The following PIGK variants were observed in gnomAD, a reference collection of about 807,000 sequenced individuals.
PIGK encodes the protein GPI-anchor transamidase.
Under a neutral mutation model 50.6 loss-of-function variants are expected in PIGK, and 42 were observed. The ratio of observed to expected loss-of-function variants is 0.83; its 90% confidence interval spans 0.65 to 1.07. PIGK has a LOEUF of 1.07. PIGK is among the 50% of genes least tolerant of loss of function. The probability of loss-of-function intolerance (pLI) is 0.00; values close to 1 mark genes in which losing one functional copy is unlikely to be tolerated. For missense variants in PIGK, 448 were observed against 488.7 expected, an observed-to-expected ratio of 0.92 and a Z score of 0.78; for synonymous variants, 151 against 156.0, an observed-to-expected ratio of 0.97 and a Z score of 0.24.
rs371361498 is a variant in PIGK at position 77,142,381 on chromosome 1, A to T, written c.986+12068T>A. ...CACACTTTTAAAAAGGCATTGACAA[A>T]GTATGTTCATTTTATATACACTACC... On this transcript the variant is annotated intron_variant, in intron 9 of 10. Coordinates refer to ENST00000370812, the MANE Select transcript of PIGK (RefSeq NM_005482.3). Among the ~76,000 whole-genome samples, 13 of 152,322 alleles carry T rather than the reference A, an allele frequency of 8.5e-5. No homozygotes were observed. In the South Asian group the frequency reaches 2.5e-3, roughly 29 times the overall value.
intron 10 of PIGK, among the ~76,000 whole-genome samples, chr1:77,116,428 G>A (rs1003321716): frequency 4.6e-5 from 7 of 151,610 alleles, no homozygotes; most frequent in Non-Finnish European, 1.0e-4. Flanking sequence ...CTCGTGATTC[G>A]CCCACCTCAG....
chr1:77,101,361 C>T (rs1570179582), intron 10 of PIGK, among the ~76,000 whole-genome samples: 1 of 140,442 alleles, frequency 7.1e-6, no homozygotes, highest in Non-Finnish European at 1.5e-5. Flanking sequence ...TTCTCATACC[C>T]CAGTAAGAAT....
chr1:77,201,921 G>A (rs376985716), intron 3 of PIGK, among the ~76,000 whole-genome samples: 16 of 151,982 alleles, frequency 1.1e-4, no homozygotes, highest in African/African-American at 3.9e-4. Flanking sequence ...AGCCAGGCAT[G>A]GTGGTGCGCA....
At chr1:77,199,636 A>T (rs1656116384) in intron 3 of PIGK, among the ~76,000 whole-genome samples, 1 of 151,970 alleles carries the variant, frequency 6.6e-6, no homozygotes, top group South Asian at 2.1e-4. Context: ...ATGAATTGTA[A>T]TGGCATAAAA....
chr1:77,195,231 AG>A, intron 3 of PIGK: 1 of 1,235,634 alleles, frequency 8.1e-7, no homozygotes, highest in Non-Finnish European at 1.2e-6. Context: ...TCTTACTGGC[AG>A]GGCGACCTGC....
intron 3 of PIGK, among the ~76,000 whole-genome samples, chr1:77,193,613 G>A (rs759549764): frequency 1.4e-4 from 22 of 152,116 alleles, no homozygotes; most frequent in Non-Finnish European, 3.1e-4. Context: ...ATTTCCAAGG[G>A]AACAAAGTTA....
chr1:77,143,750 T>C (rs1035038922), intron 9 of PIGK, among the ~76,000 whole-genome samples: 1 of 152,108 alleles, frequency 6.6e-6, no homozygotes, highest in African/African-American at 2.4e-5. Flanking sequence ...AAATTCTGTA[T>C]AGTATTTCTA....
In PIGK at chr1:77,137,622, G is replaced by C. The variant is rs544995300; in HGVS notation, c.987-15263C>G. Among the ~76,000 whole-genome samples, 3 of 151,788 alleles carry C rather than the reference G, an allele frequency of 2.0e-5. No individual in the cohort carries two copies. The East Asian group carries it at 5.8e-4, about 30-fold the overall frequency. On this transcript the variant is annotated intron_variant, in intron 9 of 10. Coordinates refer to ENST00000370812, the MANE Select transcript of PIGK (RefSeq NM_005482.3). Reference sequence around the variant, plus strand: ...TTGTATTTTATTTTATTTTGAGACAGAGTCTTACTCTTGTCACCCAGGCTG... The same window carrying C: ...TTGTATTTTATTTTATTTTGAGACACAGTCTTACTCTTGTCACCCAGGCTG...
rs925229536 is a variant in PIGK, at chr1:77,090,836, T to A, written c.*1538A>T. 6.6e-6 allele frequency: 1 copy of A among 152,066 alleles called. No homozygotes were observed. Among genetic ancestry groups the A allele is most frequent in the Non-Finnish European group, 1.5e-5 (1 of 67,994 alleles). The allele number at this position is 152,066 out of a possible 1,614,324, so 9.4% of individuals were successfully genotyped here. On this transcript the variant is annotated 3_prime_UTR_variant, in exon 11 of 11. Transcript: ENST00000370812. ...TTTTCTTCCTCATTTATATAACACA[T>A]CAATAAAAAGATCAATTAAAATAAA...
intron 5 of PIGK, among the ~76,000 whole-genome samples, chr1:77,165,242 T>C (rs1437632749): frequency 1.3e-5 from 2 of 152,112 alleles, no homozygotes; most frequent in Non-Finnish European, 2.9e-5. Context: ...ATCCTTTAGT[T>C]TAGTACATCA....
chr1:77,115,208 G>GC (rs1451297561), intron 10 of PIGK, among the ~76,000 whole-genome samples: 1 of 152,172 alleles, frequency 6.6e-6, no homozygotes, highest in Non-Finnish European at 1.5e-5. Context: ...AATGTAAAGA[G>GC]CTAGAATTAC....
intron 3 of PIGK, among the ~76,000 whole-genome samples, chr1:77,200,185 G>A (rs1222743059): frequency 1.3e-5 from 2 of 152,018 alleles, no homozygotes; most frequent in African/African-American, 2.4e-5. Context: ...AGTTGGAGGG[G>A]GAAAGGGACT....
intron 3 of PIGK, among the ~76,000 whole-genome samples, chr1:77,191,071 T>C (rs2100575943): frequency 6.6e-6 from 1 of 152,322 alleles, no homozygotes; most frequent in Non-Finnish European, 1.5e-5. Context: ...CTAATTAGTT[T>C]ACTAACTTAC....
chr1:77,189,742 TATATATACACACACACAC>T (rs1257971587), intron 3 of PIGK, among the ~76,000 whole-genome samples: 2 of 35,158 alleles, frequency 5.7e-5, no homozygotes, highest in African/African-American at 3.2e-4. Context: ...TATATATATA[TATATATACACACACACAC>T]ACACACACAC....
intron 8 of PIGK, among the ~76,000 whole-genome samples, chr1:77,155,076 T>G (rs918563182): frequency 3.3e-5 from 5 of 152,224 alleles, no homozygotes; most frequent in Admixed American, 2.6e-4. Context: ...AGCCCCAATA[T>G]GTAAAAAACA....
intron 10 of PIGK, among the ~76,000 whole-genome samples, chr1:77,098,307 G>A (rs1459287342): frequency 1.3e-5 from 2 of 152,030 alleles, no homozygotes; most frequent in African/African-American, 4.8e-5. Context: ...CCTAAAGGCA[G>A]TGAGTGAAAA....
At chr1:77,099,321 A>G (rs1368784031) in intron 10 of PIGK, among the ~76,000 whole-genome samples, 2 of 152,206 alleles carry the variant, frequency 1.3e-5, no homozygotes, top group African/African-American at 4.8e-5. Context: ...AAGCAGGAAT[A>G]CAGTTGGCTT....
At chr1:77,123,928 T>C (rs184737245) in intron 9 of PIGK, among the ~76,000 whole-genome samples, 16 of 152,154 alleles carry the variant, frequency 1.1e-4, no homozygotes, top group Admixed American at 1.0e-3. Context: ...TTAGCTTACA[T>C]GAGGTCATTA....
intron 9 of PIGK, among the ~76,000 whole-genome samples, chr1:77,138,698 C>T (rs763784056): frequency 6.6e-6 from 1 of 152,172 alleles, no homozygotes; most frequent in Non-Finnish European, 1.5e-5. Context: ...ACGGGATTAG[C>T]TTGCTTTCTC....
Sources: allele counts gnomAD v4.1 joint callset (sites outside exome capture counted in the v4.1 genomes callset), GRCh38; gene constraint gnomAD v4.1.1; transcripts MANE v1.5; gene names NCBI Gene and HGNC (gene_info 2026-07-23, HGNC 2026-07-21).